The following C4orf36 variants were observed in gnomAD, a reference collection of about 807,000 sequenced individuals.
C4orf36 encodes the protein chromosome 4 open reading frame 36.
A neutral mutation model predicts 12.2 loss-of-function variants in C4orf36; 11 were observed. The observed-to-expected ratio is 0.90, with a 90% CI of 0.57 to 1.49. The LOEUF (loss-of-function observed/expected upper bound fraction) is 1.49. Among genes scored for constraint, C4orf36 ranks in the 40% most tolerant of loss-of-function variants. C4orf36 has a pLI of 0.00. For synonymous variants in C4orf36, 54 were observed against 51.3 expected (o/e 1.05, Z -0.22); for missense variants, 137 against 133.9 (o/e 1.02, Z -0.11).
At chr4:86,923,825 T>C in the C4orf36 span, among the ~76,000 whole-genome samples, 99 of 152,080 alleles carry the variant, frequency 6.5e-4, no homozygotes, top group African/African-American at 2.3e-3. Context: ...TCCTGATTGA[T>C]AACACCATAA....
chr4:86,901,859 A>C, the C4orf36 span, among the ~76,000 whole-genome samples: 29 of 151,040 alleles, frequency 1.9e-4, no homozygotes, highest in African/African-American at 6.3e-4. Context: ...GATATGTTGA[A>C]GTCCTAACTC....
At chr4:86,904,494 A>G in the C4orf36 span, among the ~76,000 whole-genome samples, 1 of 150,486 alleles carries the variant, frequency 6.6e-6, no homozygotes, top group Non-Finnish European at 1.5e-5. Flanking sequence ...AGGCAGGGTA[A>G]TCGCTTGAAC....
At chr4:86,879,641 T>G (rs904681567) in intron 4 of C4orf36, among the ~76,000 whole-genome samples, 2 of 151,740 alleles carry the variant, frequency 1.3e-5, no homozygotes, top group African/African-American at 2.4e-5. Context: ...GGCCAAAATC[T>G]TCCCAAATTT....
In C4orf36 at chr4:86,891,527, T is replaced by C; in HGVS notation, c.-7A>G. ...TTGGCACTCCATACGCCATGGTGAG[T>C]TATTACGGTATGATTTCGTTACATA... On this transcript the variant is annotated 5_prime_UTR_variant, in exon 2 of 5. Transcript: ENST00000295898. 6.2e-7 allele frequency: 1 copy of C among 1,614,036 alleles called. No homozygotes were observed. The highest frequency in any genetic ancestry group is 8.5e-7 in the Non-Finnish European group (1 of 1,179,996).
At chr4:86,877,341 A>G (rs1260280306) in intron 4 of C4orf36, among the ~76,000 whole-genome samples, 2 of 152,228 alleles carry the variant, frequency 1.3e-5, no homozygotes, top group Non-Finnish European at 2.9e-5. Context: ...TCAAAATGTC[A>G]GAAAGAACAA....
chr4:86,913,824 A>AATT, the C4orf36 span: 13 of 679,646 alleles, frequency 1.9e-5, no homozygotes, highest in Non-Finnish European at 2.5e-5. Flanking sequence ...CTTTTCATCC[A>AATT]CTTTTTTTTT....
rs1254612960 is a variant in C4orf36, at chr4:86,876,395, G to A, written c.*51C>T. 1.9e-6 allele frequency: 3 copies of A among 1,609,650 alleles called. No individual in the cohort carries two copies. The highest frequency in any genetic ancestry group is 1.3e-5 in the African/African-American group (1 of 74,832). On this transcript the variant is annotated 3_prime_UTR_variant, in exon 5 of 5. Coordinates refer to ENST00000295898, the MANE Select transcript of C4orf36 (RefSeq NM_144645.4). ...GGTCCTGGGCGGCCCAGGAGAAGCA[G>A]TTCCCGCCGGCGCTGCTGAGTTTCT...
intron 4 of C4orf36, among the ~76,000 whole-genome samples, chr4:86,881,746 T>C (rs1747060110): frequency 1.3e-5 from 2 of 152,006 alleles, no homozygotes; most frequent in Non-Finnish European, 2.9e-5. Flanking sequence ...TGATCTTGGC[T>C]CACTGCAACC....
chr4:86,894,610 G>A (rs1253646770), upstream of C4orf36, among the ~76,000 whole-genome samples: 1 of 152,162 alleles, frequency 6.6e-6, no homozygotes, highest in African/African-American at 2.4e-5. Flanking sequence ...TCCATTTCCA[G>A]CATATGCATA....
intron 4 of C4orf36, among the ~76,000 whole-genome samples, chr4:86,883,723 T>C (rs1320158683): frequency 6.6e-6 from 1 of 152,112 alleles, no homozygotes; most frequent in Non-Finnish European, 1.5e-5. Flanking sequence ...CATAATGAAA[T>C]GAAGCTAAGA....
the C4orf36 span, among the ~76,000 whole-genome samples, chr4:86,907,296 A>G: frequency 6.6e-6 from 1 of 152,156 alleles, no homozygotes; most frequent in African/African-American, 2.4e-5. Context: ...CCCAGTTAAA[A>G]GTTTACTGGC....
At chr4:86,910,949 G>A in the C4orf36 span, among the ~76,000 whole-genome samples, 12 of 152,070 alleles carry the variant, frequency 7.9e-5, no homozygotes, top group Non-Finnish European at 1.3e-4. Context: ...TGAGCGTGGT[G>A]GCTTGCACCT....
chr4:86,884,958 G>C (rs1747140126), intron 4 of C4orf36, among the ~76,000 whole-genome samples: 1 of 152,178 alleles, frequency 6.6e-6, no homozygotes, highest in African/African-American at 2.4e-5. Context: ...GTTAAATAGG[G>C]AATCCTTTCC....
intron 4 of C4orf36, among the ~76,000 whole-genome samples, chr4:86,883,872 T>C (rs901425911): frequency 2.0e-5 from 3 of 151,890 alleles, no homozygotes; most frequent in Non-Finnish European, 4.4e-5. Flanking sequence ...TACTAAAAAA[T>C]ACAAAAATTA....
chr4:86,887,563 T>A, intron 4 of C4orf36, 195 bp downstream of exon 4: 1 of 503,472 alleles, frequency 2.0e-6, no homozygotes, highest in Non-Finnish European at 3.4e-6. Flanking sequence ...CTGTCGTTTG[T>A]GACACAAGGA....
At chr4:86,909,503 G>A in the C4orf36 span, among the ~76,000 whole-genome samples, 1 of 152,136 alleles carries the variant, frequency 6.6e-6, no homozygotes, top group African/African-American at 2.4e-5. Flanking sequence ...AACAATTAAG[G>A]ATGATCACTG....
chr4:86,916,383 A>C, the C4orf36 span, among the ~76,000 whole-genome samples: 1 of 151,752 alleles, frequency 6.6e-6, no homozygotes, highest in Non-Finnish European at 1.5e-5. Flanking sequence ...AAAAAAAAAA[A>C]AACTTTTTCC....
chr4:86,931,225 G>C, the C4orf36 span, among the ~76,000 whole-genome samples: 1 of 152,052 alleles, frequency 6.6e-6, no homozygotes, highest in East Asian at 1.9e-4. Context: ...TTGCCTTGAA[G>C]TCCCGCTCCT....
At chr4:86,912,811 T>C in the C4orf36 span, among the ~76,000 whole-genome samples, 46 of 152,252 alleles carry the variant, frequency 3.0e-4, no homozygotes, top group East Asian at 7.7e-3. Flanking sequence ...TGTACACATG[T>C]TTACATTTAT....
Sources: gnomAD v4.1 joint callset for allele counts (sites outside exome capture counted in the v4.1 genomes callset) on GRCh38, gnomAD v4.1.1 for gene constraint, MANE v1.5 for transcripts, NCBI Gene and HGNC (gene_info 2026-07-23, HGNC 2026-07-21) for gene names.